Variants in ERBB4 observed in about 807,000 individuals in gnomAD.
The protein encoded by ERBB4 is erb-b2 receptor tyrosine kinase 4.
A neutral mutation model predicts 158.0 loss-of-function variants in ERBB4; 42 were observed. The observed-to-expected ratio is 0.27, with a 90% CI of 0.21 to 0.34. The LOEUF is 0.34. ERBB4 is among the 10% of genes least tolerant of loss of function. ERBB4 has a pLI of 1.00. For synonymous variants in ERBB4, 583 were observed against 558.7 expected (o/e 1.04, Z -0.61); for missense variants, 1,333 against 1,624.1 (o/e 0.82, Z 3.08).
intron 20 of ERBB4, among the ~76,000 whole-genome samples, chr2:211,501,441 T>C (rs1479099820): frequency 6.6e-6 from 1 of 151,744 alleles, no homozygotes; most frequent in East Asian, 1.9e-4. Flanking sequence ...TATGCTTGTA[T>C]CAAAATATCA....
chr2:211,478,096 A>C (rs1463513196), intron 20 of ERBB4, among the ~76,000 whole-genome samples: 1 of 152,120 alleles, frequency 6.6e-6, no homozygotes, highest in Non-Finnish European at 1.5e-5. Flanking sequence ...GCAGGTGCAC[A>C]CTCAGCCAAA....
At chr2:212,176,203 C>A (rs113126473) in intron 1 of ERBB4, among the ~76,000 whole-genome samples, 1,633 of 152,070 alleles carry the variant, frequency 0.011, 16 homozygotes, top group Middle Eastern at 0.024. Flanking sequence ...CTATCTTAAA[C>A]CTCTGTCCTC....
chr2:211,466,129 T>C (rs1217665035), intron 20 of ERBB4, among the ~76,000 whole-genome samples: 2 of 152,094 alleles, frequency 1.3e-5, no homozygotes, highest in East Asian at 3.9e-4. Context: ...CTGAGAGAAA[T>C]GTTCTCAACT....
chr2:211,848,093 C>CCT (rs2077632313), intron 3 of ERBB4, among the ~76,000 whole-genome samples: 1 of 152,066 alleles, frequency 6.6e-6, no homozygotes, highest in African/African-American at 2.4e-5. Flanking sequence ...CATTCTGTAT[C>CCT]CTCTATTTAA....
At chr2:211,429,168 C>A (rs2063698622) in intron 21 of ERBB4, among the ~76,000 whole-genome samples, 1 of 151,974 alleles carries the variant, frequency 6.6e-6, no homozygotes. Context: ...AATACACATG[C>A]TTCTAAAAAT....
chr2:212,271,466 G>T (rs1023717249), intron 1 of ERBB4, among the ~76,000 whole-genome samples: 2 of 151,464 alleles, frequency 1.3e-5, no homozygotes, highest in Non-Finnish European at 3.0e-5. Flanking sequence ...TATCAGAAAG[G>T]TAAATTTCAT....
chr2:211,598,423 G>A (rs1448206891), intron 19 of ERBB4, among the ~76,000 whole-genome samples: 1 of 152,196 alleles, frequency 6.6e-6, no homozygotes, highest in Middle Eastern at 3.2e-3. Flanking sequence ...TGACTCAGTT[G>A]ATGGTGTCAA....
chr2:211,604,478 T>C (rs1226802536), intron 19 of ERBB4, among the ~76,000 whole-genome samples: 2 of 146,842 alleles, frequency 1.4e-5, no homozygotes. Flanking sequence ...CCAAGGTCCC[T>C]TGTCCCTGAA....
intron 1 of ERBB4, among the ~76,000 whole-genome samples, chr2:212,391,155 A>G (rs935526369): frequency 1.3e-5 from 2 of 151,802 alleles, no homozygotes; most frequent in Non-Finnish European, 3.0e-5. Context: ...CCTTATCAAT[A>G]GAAAACAGAT....
chr2:211,436,516 T>C (rs955677310), intron 20 of ERBB4, among the ~76,000 whole-genome samples: 6 of 152,196 alleles, frequency 3.9e-5, no homozygotes, highest in African/African-American at 4.8e-5. Context: ...TGAGGTAAAT[T>C]AGCATATGCA....
At chr2:211,573,548 T>C (rs2067800024) in intron 19 of ERBB4, among the ~76,000 whole-genome samples, 1 of 152,066 alleles carries the variant, frequency 6.6e-6, no homozygotes, top group Non-Finnish European at 1.5e-5. Flanking sequence ...CAGGAGCCTG[T>C]AGTCCCAGCT....
intron 3 of ERBB4, among the ~76,000 whole-genome samples, chr2:211,946,659 A>G (rs921840033): frequency 7.6e-6 from 1 of 132,344 alleles, no homozygotes; most frequent in Non-Finnish European, 1.5e-5. Context: ...TGCGATCTCA[A>G]TAAGCAGCTC....
chr2:211,609,342 A>ACTTT (rs2069103743), intron 19 of ERBB4, among the ~76,000 whole-genome samples: 1 of 152,168 alleles, frequency 6.6e-6, no homozygotes, highest in East Asian at 1.9e-4. Context: ...AGTAGGAAAG[A>ACTTT]ATGCATGCTC....
intron 3 of ERBB4, among the ~76,000 whole-genome samples, chr2:211,817,399 C>T (rs1005130487): frequency 6.6e-6 from 1 of 152,196 alleles, no homozygotes; most frequent in African/African-American, 2.4e-5. Flanking sequence ...TATTGAACTT[C>T]TCTTTGGTAT....
intron 2 of ERBB4, among the ~76,000 whole-genome samples, chr2:211,966,871 C>T (rs1255659495): frequency 6.6e-6 from 1 of 151,970 alleles, no homozygotes; most frequent in Non-Finnish European, 1.5e-5. Flanking sequence ...GTCATTACTA[C>T]CCAAGTTGTG....
intron 3 of ERBB4, among the ~76,000 whole-genome samples, chr2:211,860,226 A>G (rs1194506083): frequency 2.0e-5 from 3 of 152,086 alleles, no homozygotes; most frequent in Non-Finnish European, 2.9e-5. Context: ...GAGAAACAAG[A>G]TTTGCCTTTC....
chr2:211,876,692 G>C (rs1486198068), intron 3 of ERBB4, among the ~76,000 whole-genome samples: 1 of 152,120 alleles, frequency 6.6e-6, no homozygotes, highest in East Asian at 1.9e-4. Flanking sequence ...GACAGGTATT[G>C]ACTGGTAAGA....
rs373920281 is a variant in ERBB4, at chr2:212,197,694, T to C, written c.83-72791A>G. ...GTATTGCCTTTTGTGTTTAAAGCCA[T>C]TTCCTGTTTTAGAAGGGTGAGCTGG... On this transcript the variant is annotated intron_variant, in intron 1 of 27. Transcript: ENST00000342788. 3.3e-5 allele frequency among the ~76,000 whole-genome samples: 5 copies of C among 152,272 alleles called. No homozygotes were observed. In the East Asian group the frequency reaches 5.8e-4, roughly 18 times the overall value.
intron 1 of ERBB4, among the ~76,000 whole-genome samples, chr2:212,448,139 T>G (rs1230534435): frequency 5.9e-5 from 9 of 152,120 alleles, no homozygotes; most frequent in Admixed American, 5.9e-4. Context: ...TAAGATAATA[T>G]TATCATGACA....
Sources: gnomAD v4.1 joint callset for allele counts (sites outside exome capture counted in the v4.1 genomes callset) on GRCh38, gnomAD v4.1.1 for gene constraint, MANE v1.5 for transcripts, NCBI Gene and HGNC (gene_info 2026-07-23, HGNC 2026-07-21) for gene names.